Variants in MTM1 observed in about 807,000 individuals in gnomAD.
The protein encoded by MTM1 is myotubularin.
In MTM1, 9 loss-of-function variants were observed where a neutral mutation model predicts 52.1. The observed-to-expected ratio is 0.17, with a 90% CI of 0.10 to 0.30. The LOEUF (loss-of-function observed/expected upper bound fraction) is 0.30. Among genes scored for constraint, MTM1 ranks in the 10% least tolerant of loss-of-function variants. The probability of loss-of-function intolerance (pLI) is 1.00; values close to 1 mark genes in which losing one functional copy is unlikely to be tolerated. For synonymous variants in MTM1, 136 were observed against 163.8 expected, an observed-to-expected ratio of 0.83 and a Z score of 1.29; for missense variants, 277 against 470.7, an observed-to-expected ratio of 0.59 and a Z score of 3.81.
intron 6 of MTM1, among the ~76,000 whole-genome samples, chrX:150,630,101 C>A (rs904567226): frequency 3.6e-5 from 4 of 111,628 alleles, no homozygotes; most frequent in East Asian, 5.6e-4. Context: ...CATTCTTCTT[C>A]TTATTTTTTT....
intron 3 of MTM1, among the ~76,000 whole-genome samples, chrX:150,597,421 T>A (rs2038995626): frequency 8.9e-6 from 1 of 112,122 alleles, no homozygotes; most frequent in African/African-American, 3.2e-5. Flanking sequence ...GTGGGATGTG[T>A]TCATCCCAAT....
intron 6 of MTM1, among the ~76,000 whole-genome samples, chrX:150,633,114 T>G (rs1297194669): frequency 2.7e-5 from 3 of 112,141 alleles, no homozygotes; most frequent in African/African-American, 9.7e-5. Flanking sequence ...GTGGACAAGT[T>G]GTAAAGAATA....
intron 14 of MTM1, among the ~76,000 whole-genome samples, chrX:150,664,333 G>C (rs1557414844): frequency 8.9e-6 from 1 of 112,851 alleles, no homozygotes; most frequent in Non-Finnish European, 1.9e-5. Context: ...TCGACTACCT[G>C]TTCTCACAGT....
intron 10 of MTM1, among the ~76,000 whole-genome samples, chrX:150,657,002 A>G (rs1397620787): frequency 5.4e-5 from 6 of 110,928 alleles, no homozygotes; most frequent in East Asian, 2.8e-4. Flanking sequence ...TGGAGAAATA[A>G]GAACACTTTT....
chrX:150,615,831 T>C (rs972362855), intron 5 of MTM1, among the ~76,000 whole-genome samples: 8 of 112,081 alleles, frequency 7.1e-5, no homozygotes, highest in African/African-American at 2.3e-4. Flanking sequence ...AATTCACCAC[T>C]ACCATCCACC....
intron 10 of MTM1, among the ~76,000 whole-genome samples, chrX:150,657,367 G>A (rs1333975201): frequency 4.6e-5 from 5 of 108,291 alleles, no homozygotes; most frequent in East Asian, 3.0e-4. Flanking sequence ...GCAAACTGTC[G>A]CAAGGACAAA....
intron 9 of MTM1, among the ~76,000 whole-genome samples, chrX:150,647,194 A>AATATATATATATAT (rs59931479): frequency 0.013 from 1,065 of 83,639 alleles, 20 homozygotes; most frequent in African/African-American, 0.025. Context: ...TTTCAGGGTG[A>AATATATATATATAT]ATATATATAT....
chrX:150,568,549 G>T, upstream of MTM1: 1 of 114,458 alleles, frequency 8.7e-6, no homozygotes, highest in South Asian at 3.4e-4. Context: ...CGGGGAGGCG[G>T]GCAGCGGGCG....
At chrX:150,592,563 CA>C (rs2038903540) in intron 1 of MTM1, 41 bp from the exon 2 acceptor site, 3 of 992,273 alleles carry the variant, frequency 3.0e-6, no homozygotes, top group African/African-American at 1.9e-5. Flanking sequence ...TTTGAAATTG[CA>C]TACAAATTCA....
At chrX:150,648,035 CAT>C (rs2039963801) in intron 9 of MTM1, among the ~76,000 whole-genome samples, 1 of 111,985 alleles carries the variant, frequency 8.9e-6, no homozygotes, top group African/African-American at 3.2e-5. Context: ...TTAAAAACCA[CAT>C]GTGTAGAGAA....
rs782348896 is a variant in MTM1 at position 150,671,420 on chromosome X, C to T, written c.1645-8C>T. 4.1e-5 allele frequency: 49 copies of T among 1,209,158 alleles called. No homozygotes were observed. The highest frequency in any genetic ancestry group is 5.4e-5 in the Non-Finnish European group (48 of 895,022). On this transcript the variant is annotated splice_region_variant and splice_polypyrimidine_tract_variant and intron_variant, in intron 14 of 14. Transcript: ENST00000370396. ...TAAAGTGTAACTCAAGTCTCTGGTT[C>T]TCTCCAGCAGCCGAATCCAGTGGAG... is the stretch of plus-strand genomic sequence containing the variant.
intron 4 of MTM1, among the ~76,000 whole-genome samples, chrX:150,611,751 C>T (rs1172736180): frequency 8.9e-6 from 1 of 112,132 alleles, no homozygotes; most frequent in East Asian, 2.8e-4. Context: ...TGTTCTGTCA[C>T]CACAAAAGAA....
At chrX:150,585,944 G>A (rs1557412235) in intron 1 of MTM1, among the ~76,000 whole-genome samples, 2 of 111,565 alleles carry the variant, frequency 1.8e-5, no homozygotes, top group Non-Finnish European at 3.8e-5. Context: ...GTCGTGAGGG[G>A]ACCAAGAAAT....
At chrX:150,657,451 A>G (rs1229944081) in intron 10 of MTM1, among the ~76,000 whole-genome samples, 1 of 93,838 alleles carries the variant, frequency 1.1e-5, no homozygotes, top group East Asian at 4.0e-4. Context: ...AGGAAGGGGA[A>G]CATCACACAC....
At chrX:150,656,872 C>A (rs77775700) in intron 10 of MTM1, among the ~76,000 whole-genome samples, 3 of 112,367 alleles carry the variant, frequency 2.7e-5, no homozygotes, top group South Asian at 3.7e-4. Flanking sequence ...ACATGAAAAA[C>A]TGCTCATCAT....
chrX:150,574,047 T>C (rs1445724293), intron 1 of MTM1, among the ~76,000 whole-genome samples: 1 of 111,558 alleles, frequency 9.0e-6, no homozygotes, highest in Admixed American at 9.5e-5. Flanking sequence ...TCCTTGCCCA[T>C]GTCAGTGGTT....
chrX:150,589,717 T>G (rs919258459), intron 1 of MTM1, among the ~76,000 whole-genome samples: 6 of 110,033 alleles, frequency 5.5e-5, no homozygotes, highest in African/African-American at 2.0e-4. Flanking sequence ...AGTACTACAC[T>G]GCTTTCCATT....
At chrX:150,564,910 G>A (rs782265038), upstream of MTM1, among the ~76,000 whole-genome samples, 6 of 111,822 alleles carry the variant, frequency 5.4e-5, no homozygotes, top group Non-Finnish European at 9.4e-5. Flanking sequence ...AGGCAGAGCT[G>A]CTTTGCAGTT....
chrX:150,591,689 C>G (rs1047936431), intron 1 of MTM1, among the ~76,000 whole-genome samples: 1 of 112,904 alleles, frequency 8.9e-6, no homozygotes, highest in Non-Finnish European at 1.9e-5. Context: ...AGGTCATCAC[C>G]AAGGTCTGAT....
Sources: allele counts gnomAD v4.1 joint callset (sites outside exome capture counted in the v4.1 genomes callset), GRCh38; gene constraint gnomAD v4.1.1; transcripts MANE v1.5; gene names NCBI Gene and HGNC (gene_info 2026-07-23, HGNC 2026-07-21).